Variants in PDE4D observed in about 807,000 individuals in gnomAD.
PDE4D encodes 3',5'-cyclic-AMP phosphodiesterase 4D.
Under a neutral mutation model 87.4 loss-of-function variants are expected in PDE4D, and 24 were observed. The ratio of observed to expected loss-of-function variants is 0.27; its 90% CI spans 0.20 to 0.39. The LOEUF (loss-of-function observed/expected upper bound fraction) is 0.39, where lower values mean the gene tolerates loss of function less well. Ranked by LOEUF, PDE4D falls within the 10% of genes least tolerant of loss-of-function variation. PDE4D has a pLI of 1.00. For synonymous variants in PDE4D, 384 were observed against 383.2 expected (o/e 1.00, Z -0.02); for missense variants, 714 against 1,041.0 (o/e 0.69, Z 4.32).
intron 1 of PDE4D, among the ~76,000 whole-genome samples, chr5:59,333,077 C>A (rs1777022361): frequency 6.6e-6 from 1 of 152,152 alleles, no homozygotes; most frequent in Non-Finnish European, 1.5e-5. Flanking sequence ...AACTGATATA[C>A]CAAGCATATC....
chr5:59,751,415 G>T (rs1760438029), intron 1 of PDE4D, among the ~76,000 whole-genome samples: 1 of 152,182 alleles, frequency 6.6e-6, no homozygotes. Flanking sequence ...TAATTGAACT[G>T]AGTCTCAAAG....
At chr5:59,631,191 T>C (rs1831521684) in intron 1 of PDE4D, among the ~76,000 whole-genome samples, 1 of 152,182 alleles carries the variant, frequency 6.6e-6, no homozygotes, top group African/African-American at 2.4e-5. Context: ...TTATGTATTA[T>C]TACAACTGCC....
intron 1 of PDE4D, among the ~76,000 whole-genome samples, chr5:59,239,147 T>C (rs373803284): frequency 9.9e-5 from 15 of 152,214 alleles, no homozygotes; most frequent in East Asian, 9.6e-4. Context: ...ATCTACCATA[T>C]AGGGTTTAAC....
intron 1 of PDE4D, among the ~76,000 whole-genome samples, chr5:59,477,600 G>A (rs1408831797): frequency 6.6e-6 from 1 of 152,026 alleles, no homozygotes; most frequent in Non-Finnish European, 1.5e-5. Context: ...CGCTGTTGGT[G>A]GACATGTAAA....
At chr5:59,192,106 TTA>T (rs1744462356) in intron 3 of PDE4D, among the ~76,000 whole-genome samples, 1 of 152,156 alleles carries the variant, frequency 6.6e-6, no homozygotes, top group Non-Finnish European at 1.5e-5. Flanking sequence ...CTATTATACA[TTA>T]TGTTACTTAT....
chr5:60,330,929 T>C (rs539093169), intron 1 of PDE4D, among the ~76,000 whole-genome samples: 1 of 152,148 alleles, frequency 6.6e-6, no homozygotes, highest in Admixed American at 6.5e-5. Flanking sequence ...CCTTTCAGTA[T>C]ATTTGACATG....
chr5:60,249,289 G>T (rs1748158055), intron 1 of PDE4D, among the ~76,000 whole-genome samples: 1 of 151,998 alleles, frequency 6.6e-6, no homozygotes, highest in Non-Finnish European at 1.5e-5. Context: ...GGCTGGGTGT[G>T]TTCTATTAAA....
chr5:59,890,229 T>A (rs1750752641), intron 1 of PDE4D, among the ~76,000 whole-genome samples: 1 of 150,614 alleles, frequency 6.6e-6, no homozygotes, highest in Non-Finnish European at 1.5e-5. Flanking sequence ...CCCATTTGGA[T>A]GATGGTAAGA....
intron 2 of PDE4D, among the ~76,000 whole-genome samples, chr5:60,125,374 T>C (rs1238934993): frequency 6.6e-6 from 1 of 152,144 alleles, no homozygotes; most frequent in African/African-American, 2.4e-5. Flanking sequence ...CCAGATCTTA[T>C]CTTTCTCACC....
Position 59,390,631 on chromosome 5 carries a change from T to G in PDE4D, c.456-174663A>C, listed in dbSNP as rs1788042498. 2.0e-5 allele frequency among the ~76,000 whole-genome samples: 3 copies of G among 152,132 alleles called. No individual in the cohort carries two copies. The South Asian group carries it at 6.2e-4, about 32-fold the overall frequency. Reference sequence around the variant, plus strand: ...AAATGAAAAATGATTGTTATAGACATGTAAATGTACAGCAAAGAGAAGACA... The same window carrying G: ...AAATGAAAAATGATTGTTATAGACAGGTAAATGTACAGCAAAGAGAAGACA... On this transcript the variant is annotated intron_variant, in intron 1 of 14. Coordinates refer to ENST00000340635, the MANE Select transcript of PDE4D (RefSeq NM_001104631.2).
At chr5:60,050,720 A>G (rs1449370935) in intron 2 of PDE4D, among the ~76,000 whole-genome samples, 1 of 152,236 alleles carries the variant, frequency 6.6e-6, no homozygotes, top group Non-Finnish European at 1.5e-5. Flanking sequence ...TAAATGCCCC[A>G]ATTAAAAGAC....
intron 1 of PDE4D, among the ~76,000 whole-genome samples, chr5:59,868,099 A>G (rs910574337): frequency 2.6e-5 from 4 of 152,128 alleles, no homozygotes; most frequent in Non-Finnish European, 2.9e-5. Context: ...GTGTCAATAA[A>G]ATGGCTCGGA....
chr5:59,036,887 C>T (rs2153390996), intron 6 of PDE4D, among the ~76,000 whole-genome samples: 1 of 152,270 alleles, frequency 6.6e-6, no homozygotes, highest in East Asian at 1.9e-4. Context: ...AGAATGACTA[C>T]ATTTTGAAAA....
At chr5:60,292,198 G>A (rs778553204) in intron 1 of PDE4D, among the ~76,000 whole-genome samples, 17 of 152,118 alleles carry the variant, frequency 1.1e-4, no homozygotes, top group Middle Eastern at 3.4e-3. Flanking sequence ...AATTTTTACC[G>A]TTTTCCAATA....
intron 2 of PDE4D, among the ~76,000 whole-genome samples, chr5:60,063,102 GAAAGAAAGAAAGAAAGAAAGAAAGAAAGA>G (rs1771626785): frequency 1.6e-5 from 1 of 62,098 alleles, no homozygotes; most frequent in African/African-American, 7.7e-5. Flanking sequence ...AAAGAAGAAA[GAAAGAAAGAAAGAAAGAAAGAAAGAAAGA>G]AAGAAAGAAA....
intron 1 of PDE4D, among the ~76,000 whole-genome samples, chr5:60,518,200 C>A (rs1750887983): frequency 6.6e-6 from 1 of 152,226 alleles, no homozygotes; most frequent in Non-Finnish European, 1.5e-5. Context: ...TGTTCACATA[C>A]CCCTTGCCTT....
Position 59,944,748 on chromosome 5 carries a change from C to T in PDE4D, c.272+43740G>A, listed in dbSNP as rs149327545. ...ATGAAGGTATCCTTCAGCACTAACC[C>T]CTCATGGACTTGAGGTATTTCTCCT... On this transcript the variant is annotated intron_variant, in intron 3 of 16. Transcript: ENST00000502484. Among the ~76,000 whole-genome samples, 91 of 152,246 alleles carry T rather than the reference C, an allele frequency of 6.0e-4. 1 individual carries two copies. The East Asian group carries it at 0.017, about 29-fold the overall frequency.
intron 1 of PDE4D, among the ~76,000 whole-genome samples, chr5:59,500,850 C>G (rs1808176383): frequency 6.6e-6 from 1 of 152,184 alleles, no homozygotes; most frequent in Non-Finnish European, 1.5e-5. Flanking sequence ...TTCATAAACT[C>G]TAACCCTTTA....
chr5:60,046,430 T>C (rs1424076103), intron 2 of PDE4D, among the ~76,000 whole-genome samples: 1 of 152,250 alleles, frequency 6.6e-6, no homozygotes, highest in African/African-American at 2.4e-5. Context: ...AGAGAAGGCA[T>C]CCCTGTCTTG....
Sources: allele counts gnomAD v4.1 joint callset (sites outside exome capture counted in the v4.1 genomes callset), GRCh38; gene constraint gnomAD v4.1.1; transcripts MANE v1.5; gene names NCBI Gene and HGNC (gene_info 2026-07-23, HGNC 2026-07-21).